TMEM161A: variants seen among roughly 807,000 people sequenced by gnomAD.
TMEM161A encodes the protein transmembrane protein 161A.
TMEM161A carries 46 observed loss-of-function variants against 57.1 expected under a neutral mutation model. The ratio of observed to expected loss-of-function variants is 0.81; its 90% confidence interval spans 0.64 to 1.03. The LOEUF (loss-of-function observed/expected upper bound fraction) is 1.03. TMEM161A is among the 50% of genes least tolerant of loss of function. TMEM161A has a pLI of 0.00. For synonymous variants in TMEM161A, 288 were observed against 279.0 expected (o/e 1.03, Z -0.32); for missense variants, 601 against 621.5 (o/e 0.97, Z 0.35).
In TMEM161A at chr19:19,134,897, G is replaced by C; in HGVS notation, c.4-10C>G. 1 of 1,567,644 alleles carries C rather than the reference G, an allele frequency of 6.4e-7. No individual in the cohort carries two copies. The highest frequency in any genetic ancestry group is 8.7e-7 in the Non-Finnish European group (1 of 1,153,968). On this transcript the variant is annotated splice_polypyrimidine_tract_variant and intron_variant, in intron 1 of 11. Coordinates refer to ENST00000162044, the MANE Select transcript of TMEM161A (RefSeq NM_017814.3). ...GTACTCCGAGGACCGCCTGGGGGGA[G>C]GGGACATGACTGGCAGCACCTGCCA...
intron 6 of TMEM161A, among the ~76,000 whole-genome samples, chr19:19,128,838 A>G (rs555556283): frequency 1.3e-5 from 2 of 152,240 alleles, no homozygotes; most frequent in East Asian, 3.9e-4. Context: ...ATGCTCGGCC[A>G]TCTAAATATA....
Position 19,120,061 on chromosome 19 carries a change from C to T in TMEM161A, c.1309G>A (p.Ala437Thr). ...VQQTAARIAG[A>T]LGGLLTPLFL... ...AGGGGAGTAAGCAGGCCACCCAGAG[C>T]CCCGGCAATCCGCGCTGCAGTCTGC... The change falls in exon 12 of 12, where the codon GCT becomes ACT. Residue 437 changes from alanine (A) to threonine (T), a missense_variant. By Grantham distance (58) the Ala-to-Thr change is moderately conservative. Transcript: ENST00000162044. 2 of 1,595,466 alleles carry T rather than the reference C, an allele frequency of 1.3e-6. No homozygotes were observed. Among genetic ancestry groups the T allele is most frequent in the Admixed American group, 3.5e-5 (2 of 57,202 alleles).
intron 6 of TMEM161A, among the ~76,000 whole-genome samples, chr19:19,124,943 A>G (rs1162200528): frequency 1.3e-5 from 2 of 152,160 alleles, no homozygotes; most frequent in Non-Finnish European, 2.9e-5. Flanking sequence ...TGACAAGAGC[A>G]AAACTCCATC....
chr19:19,119,535 C>T lies in TMEM161A; in HGVS notation c.*395G>A, dbSNP rs954949284. ...CTCTCCCTCCCGCGCAGCCCCCACC[C>T]TGCACCCGGGCAGGTGCCACAGGGA... On this transcript the variant is annotated 3_prime_UTR_variant, in exon 12 of 12. Transcript: ENST00000162044. The T allele has an allele frequency of 1.4e-5, 3 of 222,120 alleles. No homozygotes were observed. In the Admixed American group the frequency reaches 1.5e-4, roughly 11 times the overall value. 13.8% of individuals were successfully genotyped at this position (222,120 alleles called of 1,614,324 possible).
chr19:19,136,131 C>T (rs563291486), intron 1 of TMEM161A, among the ~76,000 whole-genome samples: 18 of 151,716 alleles, frequency 1.2e-4, no homozygotes, highest in Non-Finnish European at 2.6e-4. Context: ...CTGGGTTTTC[C>T]TGCTTGAATG....
At chr19:19,126,109 A>T (rs946224719) in intron 6 of TMEM161A, among the ~76,000 whole-genome samples, 31 of 151,804 alleles carry the variant, frequency 2.0e-4, no homozygotes, top group Non-Finnish European at 1.6e-4. Flanking sequence ...CTAGTAAAAA[A>T]TACTAGAGAT....
intron 1 of TMEM161A, 142 bp downstream of exon 1, chr19:19,138,283 AC>A (rs1232221819): frequency 8.1e-7 from 1 of 1,229,042 alleles, no homozygotes; most frequent in East Asian, 2.5e-5. Context: ...AGAGGGACAC[AC>A]GGCCTTCAGC....
intron 6 of TMEM161A, among the ~76,000 whole-genome samples, chr19:19,127,175 A>G (rs1486440636): frequency 6.6e-6 from 1 of 152,162 alleles, no homozygotes; most frequent in Non-Finnish European, 1.5e-5. Context: ...AAAACTGAAA[A>G]TGGGGTCTCA....
At chr19:19,126,605 A>T (rs1481147652) in intron 6 of TMEM161A, among the ~76,000 whole-genome samples, 1 of 152,156 alleles carries the variant, frequency 6.6e-6, no homozygotes, top group African/African-American at 2.4e-5. Context: ...GTGGTGGCTC[A>T]CACCTGTAAT....
In TMEM161A at chr19:19,121,830, TAAG is replaced by T. The variant is rs775130584; in HGVS notation, c.596-14_596-12del. 3.7e-6 allele frequency: 6 copies of T among 1,613,512 alleles called. No individual in the cohort carries two copies. The highest frequency in any genetic ancestry group is 4.2e-6 in the Non-Finnish European group (5 of 1,179,954). On this transcript the variant is annotated splice_polypyrimidine_tract_variant and intron_variant, in intron 6 of 11. Transcript: ENST00000162044. This position sits in a 1 kb window ranked among gnomAD's most constrained non-coding sequence, Gnocchi z 5.8. ...TCATGCTGGCCAGACCTGGGGACGA[TAAG>T]AAGAGGACCGAGTAGAGTGAATTCC...
At chr19:19,130,543 G>A (rs572208652) in intron 5 of TMEM161A, 19 of 543,792 alleles carry the variant, frequency 3.5e-5, no homozygotes, top group Admixed American at 1.2e-4. Context: ...ACAGCCTCCC[G>A]CCCTGGGTGA....
intron 6 of TMEM161A, among the ~76,000 whole-genome samples, chr19:19,128,781 G>A (rs1568536534): frequency 6.6e-6 from 1 of 151,978 alleles, no homozygotes; most frequent in Non-Finnish European, 1.5e-5. Context: ...CAGGTGATCT[G>A]CTTGCCTGAG....
chr19:19,128,533 A>ATTTTTTTT (rs755755153), intron 6 of TMEM161A, among the ~76,000 whole-genome samples: 1 of 110,546 alleles, frequency 9.0e-6, no homozygotes, highest in Non-Finnish European at 1.9e-5. Flanking sequence ...CCTGGCCTAC[A>ATTTTTTTT]TTTTTTTTTT....
In TMEM161A at chr19:19,130,284, C is replaced by T. The variant is rs373351647; in HGVS notation, c.467G>A (p.Arg156Gln). 14 of 1,613,422 alleles carry T rather than the reference C, an allele frequency of 8.7e-6. No individual in the cohort carries two copies. Among genetic ancestry groups the T allele is most frequent in the South Asian group, 2.2e-5 (2 of 91,090 alleles). Residue 156 changes from arginine to glutamine, a missense_variant, in exon 6 of 12, where the codon CGG becomes CAG. Transcript: ENST00000162044. ...CCCCTCCTCGGCGCTGAAGTACAGC[C>T]GTGTCACTGTCAGGAACATCTTGCT... The part of the protein sequence containing the change: ...FSIKMFLTVT[R>Q]LYFSAEEGGE...
chr19:19,127,523 C>T (rs1339905027), intron 6 of TMEM161A, among the ~76,000 whole-genome samples: 8 of 152,038 alleles, frequency 5.3e-5, no homozygotes, highest in South Asian at 4.1e-4. Flanking sequence ...GGAGTTTCAC[C>T]ATGTTAGCCA....
intron 5 of TMEM161A, among the ~76,000 whole-genome samples, chr19:19,131,151 CAG>C (rs1254110742): frequency 6.6e-6 from 1 of 151,822 alleles, no homozygotes; most frequent in African/African-American, 2.4e-5. Context: ...ACCCGGGAGA[CAG>C]AGGTTGTAGT....
Position 19,121,249 on chromosome 19 carries a change from T to G in TMEM161A, c.914+59A>C. 6.4e-7 allele frequency: 1 copy of G among 1,551,218 alleles called. No individual in the cohort carries two copies. ...TCTTCCCCAGGCTCCTCCCTGAATC[T>G]CAGAGGCTAGGGCACCCAGGGGAGC... On this transcript the variant is annotated intron_variant, in intron 9 of 11. Transcript: ENST00000162044. The surrounding 1 kb of genome is among the most constrained non-coding windows in gnomAD (Gnocchi z 5.8).
chr19:19,125,493 G>A (rs574546336), intron 6 of TMEM161A, among the ~76,000 whole-genome samples: 2 of 150,718 alleles, frequency 1.3e-5, no homozygotes, highest in South Asian at 2.1e-4. Context: ...TGGGATTACA[G>A]GTGCATGCCA....
chr19:19,132,332 G>A lies in TMEM161A; in HGVS notation c.443+20C>T. 6.2e-7 allele frequency: 1 copy of A among 1,602,370 alleles called. No homozygotes were observed. Among genetic ancestry groups the A allele is most frequent in the Non-Finnish European group, 8.5e-7 (1 of 1,173,568 alleles). On this transcript the variant is annotated intron_variant, in intron 5 of 11. Coordinates refer to ENST00000162044, the MANE Select transcript of TMEM161A (RefSeq NM_017814.3). This position sits in a 1 kb window ranked among gnomAD's most constrained non-coding sequence, Gnocchi z 4.3. ...CTGCTCCCACCCGCCCCACTGGCAG[G>A]GAGCAGAGAGGAAGGATACATGGAG...
Sources: allele counts gnomAD v4.1 joint callset (sites outside exome capture counted in the v4.1 genomes callset), GRCh38; gene constraint gnomAD v4.1.1; non-coding constraint Gnocchi (gnomAD v3.1); transcripts MANE v1.5; gene names NCBI Gene and HGNC (gene_info 2026-07-23, HGNC 2026-07-21).